The following ZFP64 variants were observed in gnomAD, a reference collection of about 807,000 sequenced individuals.
The protein encoded by ZFP64 is ZFP64 zinc finger protein.
A neutral mutation model predicts 51.6 loss-of-function variants in ZFP64; 14 were observed. The ratio of observed to expected loss-of-function variants is 0.27; its 90% confidence interval spans 0.18 to 0.42. The LOEUF (loss-of-function observed/expected upper bound fraction) is 0.42. Ranked by LOEUF, ZFP64 falls within the 10% of genes least tolerant of loss-of-function variation. The pLI is 1.00. For synonymous variants in ZFP64, 375 were observed against 361.4 expected (o/e 1.04, Z -0.43); for missense variants, 754 against 906.8 (o/e 0.83, Z 2.16).
chr20:52,174,383 G>A (rs1275554782), intron 2 of ZFP64, among the ~76,000 whole-genome samples: 1 of 151,438 alleles, frequency 6.6e-6, no homozygotes, highest in Admixed American at 6.6e-5. Context: ...CTACTCGGGA[G>A]GCTGAGGCAG....
At chr20:52,130,257 A>C (rs1979660305) in intron 5 of ZFP64, among the ~76,000 whole-genome samples, 1 of 152,162 alleles carries the variant, frequency 6.6e-6, no homozygotes, top group African/African-American at 2.4e-5. Flanking sequence ...TCTATCACCT[A>C]GGCTGGAGTG....
At chr20:52,116,144 T>TC (rs1251244091) in intron 5 of ZFP64, among the ~76,000 whole-genome samples, 63 of 150,786 alleles carry the variant, frequency 4.2e-4, no homozygotes, top group Middle Eastern at 3.6e-3. Context: ...AATATTTCTT[T>TC]TTTTTTTTTG....
chr20:52,162,052 C>T (rs1017648607), intron 4 of ZFP64, among the ~76,000 whole-genome samples: 1 of 152,144 alleles, frequency 6.6e-6, no homozygotes, highest in Non-Finnish European at 1.5e-5. Context: ...AATTCCAGCA[C>T]TTTGGGAGGC....
At chr20:52,139,102 C>T (rs1466064423) in intron 5 of ZFP64, among the ~76,000 whole-genome samples, 2 of 152,168 alleles carry the variant, frequency 1.3e-5, no homozygotes, top group Non-Finnish European at 2.9e-5. Context: ...TAACTTAGTT[C>T]GGCCACTGTG....
chr20:52,186,832 C>G lies in ZFP64; in HGVS notation c.286G>C (p.Val96Leu). The G allele has an allele frequency of 6.2e-7, 1 of 1,605,550 alleles. No individual in the cohort carries two copies. The highest frequency in any genetic ancestry group is 8.5e-7 in the Non-Finnish European group (1 of 1,173,086). ...CGACTCCCCCATGCTCCAGCTGTAC[C>G]TGTGATTGTCTGGGTCTCCGAGGTG... Reference protein sequence around the residue: ...TITSETQTITVSAPEFVFEHG... With the variant: ...TITSETQTITLSAPEFVFEHG... Residue 96 changes from valine to leucine, a missense_variant and splice_region_variant, in exon 2 of 6, where the codon GTT becomes CTT. By Grantham distance (32) the Val-to-Leu change is conservative. This residue lies in a region of ZFP64 where 231 missense variants were observed against 336.7 expected (regional missense o/e 0.69). Transcript: ENST00000216923.
chr20:52,174,482 CA>C (rs386393988), intron 2 of ZFP64, among the ~76,000 whole-genome samples: 1,134 of 55,976 alleles, frequency 0.02, 5 homozygotes, highest in African/African-American at 0.064. Flanking sequence ...GGCTCCATCT[CA>C]AAAAAAAAAA....
intron 7 of ZFP64, among the ~76,000 whole-genome samples, chr20:52,095,818 T>C (rs1471250566): frequency 6.6e-6 from 1 of 152,174 alleles, no homozygotes; most frequent in Non-Finnish European, 1.5e-5. Context: ...TGTTGTGAAT[T>C]TTAAGATTTT....
rs778978881 is a variant in ZFP64, at chr20:52,160,290, C to T, written c.596G>A (p.Gly199Asp). 2.5e-6 allele frequency: 4 copies of T among 1,614,232 alleles called. No individual in the cohort carries two copies. Among genetic ancestry groups the T allele is most frequent in the Admixed American group, 3.3e-5 (2 of 60,024 alleles). ...KLKTHMRCHT[G>D]VKPYKCKTCD... is the part of the protein sequence containing the mutation. ...CGTCTTACACTTGTAGGGCTTCACGCCCGTGTGGCACCGCATGTGAGTTTT... is the reference window on the plus strand; with the variant it reads ...CGTCTTACACTTGTAGGGCTTCACGTCCGTGTGGCACCGCATGTGAGTTTT... Residue 199 changes from glycine to aspartate, a missense_variant, in exon 5 of 6, where the codon GGC (glycine) becomes GAC (aspartate). By Grantham distance (94) the Gly-to-Asp change is moderately conservative. Transcript: ENST00000216923. The surrounding 1 kb of genome is among the most constrained non-coding windows in gnomAD (Gnocchi z 4.2).
chr20:52,096,190 G>A (rs956690511), intron 7 of ZFP64, among the ~76,000 whole-genome samples: 27 of 152,124 alleles, frequency 1.8e-4, no homozygotes, highest in South Asian at 4.1e-4. Context: ...GTGTTGCCCC[G>A]CTTAAAACCA....
chr20:52,097,897 G>A (rs949641598), intron 6 of ZFP64, among the ~76,000 whole-genome samples: 8 of 51,868 alleles, frequency 1.5e-4, no homozygotes, highest in African/African-American at 5.4e-4. Flanking sequence ...AGAGACCCCC[G>A]CCCCCTATTT....
chr20:52,117,692 T>A (rs1978950587), intron 5 of ZFP64: 1 of 456,620 alleles, frequency 2.2e-6, no homozygotes, highest in Admixed American at 2.4e-5. Flanking sequence ...GTTTGAGAAG[T>A]GCAGCATGGG....
rs34646115 is a variant in ZFP64, at chr20:52,102,107, C to CAAAAAAAAAAAAAAAAAAAAAAA, written c.764-3521_764-3520insTTTTTTTTTTTTTTTTTTTTTTT. Reference sequence around the variant, plus strand: ...AGCCTGGTGAGAGTAACTCCATCTCCAAAAAAAAAAAAAAAAAAGGCAGCA... The same window carrying CAAAAAAAAAAAAAAAAAAAAAAA: ...AGCCTGGTGAGAGTAACTCCATCTCCAAAAAAAAAAAAAAAAAAAAAAAAAAAAAAAAAAAAAAAAAGGCAGCA... On this transcript the variant is annotated intron_variant, in intron 5 of 8. Coordinates refer to the ZFP64 transcript ENST00000361387. Among the ~76,000 whole-genome samples the CAAAAAAAAAAAAAAAAAAAAAAA allele has an allele frequency of 7.1e-4, 45 of 63,398 alleles. 1 individual carries two copies. The highest frequency in any genetic ancestry group is 1.1e-3 in the African/African-American group (16 of 14,710). 41.6% of individuals were successfully genotyped at this position (63,398 alleles called of 152,430 possible).
At chr20:52,129,849 A>G (rs924638144) in intron 5 of ZFP64, among the ~76,000 whole-genome samples, 5 of 152,208 alleles carry the variant, frequency 3.3e-5, no homozygotes, top group Non-Finnish European at 5.9e-5. Context: ...TGTCACCACC[A>G]TGGTATGCCC....
At chr20:52,093,373 CAGG>C (rs2078950023) in intron 7 of ZFP64, among the ~76,000 whole-genome samples, 1 of 152,192 alleles carries the variant, frequency 6.6e-6, no homozygotes, top group Non-Finnish European at 1.5e-5. Context: ...CTCCTGACCT[CAGG>C]TGATCTGCCT....
intron 4 of ZFP64, among the ~76,000 whole-genome samples, chr20:52,163,302 G>A (rs1046558276): frequency 6.6e-6 from 1 of 151,968 alleles, no homozygotes; most frequent in African/African-American, 2.4e-5. Flanking sequence ...CAGAAGTTGC[G>A]GTGAGCCAAG....
chr20:52,153,569 G>C lies in ZFP64; in HGVS notation c.764-141C>G. ...CTGCAGCTTCTAGCAGCCCCTGGCA[G>C]TGGGGGAAGAGGGGCAGGGCGTCTT... On this transcript the variant is annotated intron_variant, in intron 5 of 5. Transcript: ENST00000216923. The surrounding 1 kb of genome is among the most constrained non-coding windows in gnomAD (Gnocchi z 5.1). 3.1e-6 allele frequency: 4 copies of C among 1,308,226 alleles called. No homozygotes were observed. Among genetic ancestry groups the C allele is most frequent in the Non-Finnish European group, 3.0e-6 (3 of 989,274 alleles). The allele number at this position is 1,308,226 out of a possible 1,614,324, so 81.0% of individuals were successfully genotyped here.
At chr20:52,109,849 T>G (rs896141266) in intron 5 of ZFP64, among the ~76,000 whole-genome samples, 1 of 151,282 alleles carries the variant, frequency 6.6e-6, no homozygotes, top group Non-Finnish European at 1.5e-5. Context: ...GAGGTTCTTA[T>G]AGGTGACAAC....
Position 52,152,984 on chromosome 20 carries a change from A to G in ZFP64, c.1208T>C (p.Leu403Pro). ...FHGDMVKTEA[L>P]ERKDTGRQSS... ...CTGCCTGCCGGTGTCCTTCCTCTCT[A>G]GAGCCTCAGTCTTAACCATGTCCCC... Residue 403 changes from leucine (L) to proline (P), a missense_variant, in exon 6 of 6, where the codon CTA becomes CCA. By Grantham distance (98) the Leu-to-Pro change is moderately conservative. Transcript: ENST00000216923. 1 of 1,613,878 alleles carries G rather than the reference A, an allele frequency of 6.2e-7. No homozygotes were observed. The highest frequency in any genetic ancestry group is 8.5e-7 in the Non-Finnish European group (1 of 1,180,036).
At chr20:52,093,298 G>A (rs930245216) in intron 7 of ZFP64, among the ~76,000 whole-genome samples, 4 of 152,036 alleles carry the variant, frequency 2.6e-5, no homozygotes, top group Non-Finnish European at 4.4e-5. Flanking sequence ...CCACCACCAC[G>A]CGTGGCTAAT....
Sources: gnomAD v4.1 joint callset for allele counts (sites outside exome capture counted in the v4.1 genomes callset) on GRCh38, gnomAD v4.1.1 for gene constraint, gnomAD v4.1.1 regional missense constraint, Gnocchi (gnomAD v3.1) non-coding constraint, MANE v1.5 for transcripts, NCBI Gene and HGNC (gene_info 2026-07-23, HGNC 2026-07-21) for gene names.